The following FRMD3 variants were observed in gnomAD, a reference collection of about 807,000 sequenced individuals.
FRMD3 encodes the protein FERM domain containing 3, also known as FERM domain-containing protein 3.
In FRMD3, 33 loss-of-function variants were observed where a neutral mutation model predicts 70.2. The observed-to-expected ratio is 0.47, with a 90% confidence interval of 0.36 to 0.63. FRMD3 has a LOEUF of 0.63. Ranked by LOEUF, FRMD3 falls within the 20% of genes least tolerant of loss-of-function variation. The pLI is 0.00. For missense variants in FRMD3, 632 were observed against 711.4 expected (o/e 0.89, Z 1.27); for synonymous variants, 279 against 255.9 (o/e 1.09, Z -0.86).
intron 5 of FRMD3, among the ~76,000 whole-genome samples, chr9:83,338,526 T>G (rs1823652429): frequency 6.6e-6 from 1 of 152,180 alleles, no homozygotes; most frequent in African/African-American, 2.4e-5. Flanking sequence ...ACGCACCCTT[T>G]GGGACACTCT....
chr9:83,327,662 T>A (rs574001060), intron 6 of FRMD3, among the ~76,000 whole-genome samples: 33 of 152,330 alleles, frequency 2.2e-4, no homozygotes, highest in African/African-American at 7.9e-4. Context: ...TCTCTTCCTG[T>A]CACTCCACCA....
At position 83,534,602 on chromosome 9, in the gene FRMD3, A is replaced by G. The variant is rs534543756; in HGVS notation, c.147+3483T>C. 5.3e-5 allele frequency among the ~76,000 whole-genome samples: 8 copies of G among 151,186 alleles called. No individual in the cohort carries two copies. In the South Asian group the frequency reaches 8.3e-4, roughly 16 times the overall value. On this transcript the variant is annotated intron_variant, in intron 1 of 13. Coordinates refer to ENST00000304195, the MANE Select transcript of FRMD3 (RefSeq NM_174938.6). Reference sequence around the variant, plus strand: ...CATCACACCCTCTAATCAGAGCACAACTAGGCAATTCTCCCTTAGTTTCTG... The same window carrying G: ...CATCACACCCTCTAATCAGAGCACAGCTAGGCAATTCTCCCTTAGTTTCTG...
downstream of FRMD3, among the ~76,000 whole-genome samples, chr9:83,244,214 T>C (rs979899007): frequency 3.3e-5 from 5 of 151,984 alleles, no homozygotes; most frequent in African/African-American, 9.6e-5. Flanking sequence ...TGTCACAGAG[T>C]TGAGTCTCAT....
intron 10 of FRMD3, among the ~76,000 whole-genome samples, chr9:83,306,718 TA>T (rs72029982): frequency 0.033 from 4,997 of 151,992 alleles, 185 homozygotes; most frequent in African/African-American, 0.095. Context: ...CTTCAGGAAA[TA>T]AAAAAAGCAG....
chr9:83,547,533 T>C, the FRMD3 span, among the ~76,000 whole-genome samples: 2 of 151,922 alleles, frequency 1.3e-5, no homozygotes, highest in Non-Finnish European at 1.5e-5. Flanking sequence ...CTCAGATTCA[T>C]AAAAACAAAT....
At chr9:83,283,546 AAATAATAAT>A (rs141284669) in intron 13 of FRMD3, among the ~76,000 whole-genome samples, 1,310 of 25,854 alleles carry the variant, frequency 0.051, 20 homozygotes, top group East Asian at 0.33. Context: ...AAAAAAAAAA[AAATAATAAT>A]AATAATAATA....
At chr9:83,307,831 T>TG (rs1835191893) in intron 10 of FRMD3, among the ~76,000 whole-genome samples, 1 of 152,106 alleles carries the variant, frequency 6.6e-6, no homozygotes, top group Non-Finnish European at 1.5e-5. Flanking sequence ...ATTTAAAAAA[T>TG]TTTTTTTAAA....
At chr9:83,294,951 T>C (rs1195062952) in intron 12 of FRMD3, among the ~76,000 whole-genome samples, 1 of 152,168 alleles carries the variant, frequency 6.6e-6, no homozygotes, top group Non-Finnish European at 1.5e-5. Context: ...GTAACTGTGT[T>C]TATGCCTGAG....
At chr9:83,292,120 A>C (rs902096287) in intron 12 of FRMD3, among the ~76,000 whole-genome samples, 1 of 151,658 alleles carries the variant, frequency 6.6e-6, no homozygotes, top group African/African-American at 2.4e-5. Flanking sequence ...CTAGAACCAT[A>C]ATTTTTAAGC....
intron 1 of FRMD3, among the ~76,000 whole-genome samples, chr9:83,432,300 T>C (rs1488762545): frequency 2.0e-5 from 3 of 152,344 alleles, no homozygotes; most frequent in South Asian, 2.1e-4. Flanking sequence ...GCCTTGCCAC[T>C]GAGCCAGGAG....
intron 1 of FRMD3, among the ~76,000 whole-genome samples, chr9:83,507,804 T>A (rs893872667): frequency 9.1e-5 from 13 of 143,238 alleles, no homozygotes; most frequent in African/African-American, 3.1e-4. Context: ...TGTATATAAG[T>A]AGAAGGAGTA....
At chr9:83,329,105 T>A (rs3849863) in intron 6 of FRMD3, among the ~76,000 whole-genome samples, 14 of 151,894 alleles carry the variant, frequency 9.2e-5, no homozygotes, top group Admixed American at 2.0e-4. Context: ...TGCACACCAC[T>A]TGCCCCAGCC....
intron 6 of FRMD3, among the ~76,000 whole-genome samples, chr9:83,331,156 A>C (rs1836243759): frequency 6.6e-6 from 1 of 152,250 alleles, no homozygotes; most frequent in Non-Finnish European, 1.5e-5. Context: ...ACACACAGTT[A>C]TTTATAGCAG....
the FRMD3 span, among the ~76,000 whole-genome samples, chr9:83,576,753 T>A: frequency 6.6e-6 from 1 of 151,964 alleles, no homozygotes; most frequent in East Asian, 1.9e-4. Context: ...ATAGCCAAGG[T>A]AATTGGGCAA....
At chr9:83,270,822 A>AT (rs914289136) in intron 13 of FRMD3, among the ~76,000 whole-genome samples, 2 of 149,014 alleles carry the variant, frequency 1.3e-5, no homozygotes, top group African/African-American at 5.0e-5. Flanking sequence ...AATGTTAGCG[A>AT]TTTTTTTTCA....
In FRMD3 at chr9:83,411,105, A is replaced by C. The variant is rs535415845; in HGVS notation, c.148-21397T>G. Reference sequence around the variant, plus strand: ...CACCTTTCTCTAGGGCTGGAACATCACCTGCCCCTTAGAGACGTGGCGTAT... The same window carrying C: ...CACCTTTCTCTAGGGCTGGAACATCCCCTGCCCCTTAGAGACGTGGCGTAT... On this transcript the variant is annotated intron_variant, in intron 1 of 13. Transcript: ENST00000304195. 3.9e-5 allele frequency among the ~76,000 whole-genome samples: 6 copies of C among 152,250 alleles called. No individual in the cohort carries two copies. In the South Asian group the frequency reaches 1.2e-3, roughly 32 times the overall value.
chr9:83,316,357 A>C (rs1835577959), intron 6 of FRMD3, among the ~76,000 whole-genome samples: 1 of 151,996 alleles, frequency 6.6e-6, no homozygotes. Flanking sequence ...GGGTTTCGAC[A>C]TGTTAGCCAG....
chr9:83,486,384 T>C (rs1828690713), intron 1 of FRMD3, among the ~76,000 whole-genome samples: 1 of 152,202 alleles, frequency 6.6e-6, no homozygotes, highest in South Asian at 2.1e-4. Flanking sequence ...AAGCAAGATG[T>C]ACTTTCCCAG....
intron 12 of FRMD3, among the ~76,000 whole-genome samples, chr9:83,295,433 T>C (rs1393523393): frequency 5.3e-5 from 8 of 152,210 alleles, no homozygotes; most frequent in African/African-American, 1.9e-4. Flanking sequence ...TGTGAATGTA[T>C]CTGTCATATT....
Sources: allele counts gnomAD v4.1 joint callset (sites outside exome capture counted in the v4.1 genomes callset), GRCh38; gene constraint gnomAD v4.1.1; transcripts MANE v1.5; gene names NCBI Gene and HGNC (gene_info 2026-07-23, HGNC 2026-07-21).